PTPRM: variants seen among roughly 807,000 people sequenced by gnomAD.
PTPRM encodes receptor-type tyrosine-protein phosphatase mu.
In PTPRM, 47 loss-of-function variants were observed where a neutral mutation model predicts 186.7. That is an observed-to-expected ratio of 0.25 (90% CI 0.20 to 0.32). PTPRM has a LOEUF of 0.32. PTPRM is among the 10% of genes least tolerant of loss of function. The pLI is 1.00. For synonymous variants in PTPRM, 668 were observed against 674.9 expected, an observed-to-expected ratio of 0.99 and a Z score of 0.16; for missense variants, 1,494 against 1,865.0, an observed-to-expected ratio of 0.80 and a Z score of 3.66.
intron 7 of PTPRM, among the ~76,000 whole-genome samples, chr18:7,977,770 C>CACA (rs2055054381): frequency 2.2e-5 from 1 of 45,008 alleles, no homozygotes; most frequent in African/African-American, 1.2e-4. Flanking sequence ...TTGCTTTGTG[C>CACA]ATGCTTTGCT....
intron 7 of PTPRM, among the ~76,000 whole-genome samples, chr18:8,025,240 T>C (rs923563626): frequency 2.0e-5 from 3 of 152,200 alleles, no homozygotes; most frequent in Non-Finnish European, 4.4e-5. Flanking sequence ...TTCTCTCCAC[T>C]TAGACCAAAG....
chr18:8,352,835 TA>T (rs1437407648), intron 23 of PTPRM, among the ~76,000 whole-genome samples: 1 of 151,990 alleles, frequency 6.6e-6, no homozygotes, highest in Non-Finnish European at 1.5e-5. Flanking sequence ...TACGCCTGGC[TA>T]ACTTTTTGTA....
intron 2 of PTPRM, among the ~76,000 whole-genome samples, chr18:7,805,862 C>G (rs1346914230): frequency 6.6e-6 from 1 of 152,088 alleles, no homozygotes; most frequent in Non-Finnish European, 1.5e-5. Context: ...AATCCTAAAT[C>G]AAAGACTAGA....
intron 19 of PTPRM, among the ~76,000 whole-genome samples, chr18:8,265,546 A>G (rs988704641): frequency 3.9e-5 from 6 of 151,954 alleles, no homozygotes; most frequent in African/African-American, 9.7e-5. Flanking sequence ...AAGTTGATGA[A>G]TCTTTTTTCA....
chr18:8,179,837 C>T (rs2093549097), intron 14 of PTPRM, among the ~76,000 whole-genome samples: 1 of 152,322 alleles, frequency 6.6e-6, no homozygotes, highest in African/African-American at 2.4e-5. Context: ...AAGATCCTTT[C>T]TCATATAAAA....
At chr18:7,721,688 G>A (rs189629394) in intron 1 of PTPRM, among the ~76,000 whole-genome samples, 95 of 152,160 alleles carry the variant, frequency 6.2e-4, no homozygotes, top group African/African-American at 2.2e-3. Context: ...ATTCAGTACC[G>A]TTTGTTGAAA....
Position 8,289,424 on chromosome 18 carries a change from GTA to G in PTPRM, c.2755-6936_2755-6935del, listed in dbSNP as rs1309486523. ...TATATATATATATACACATATATAC[GTA>G]TATATATGTATATATACGTATATAT... is the stretch of plus-strand genomic sequence containing the variant. On this transcript the variant is annotated intron_variant, in intron 19 of 32. Transcript: ENST00000580170. 4.0e-5 allele frequency among the ~76,000 whole-genome samples: 4 copies of G among 100,668 alleles called. 1 individual carries two copies. The highest frequency in any genetic ancestry group is 3.3e-4 in the Admixed American group (3 of 9,078). The allele number at this position is 100,668 out of a possible 152,430, so 66.0% of individuals were successfully genotyped here.
At chr18:8,352,825 T>C (rs911780967) in intron 23 of PTPRM, among the ~76,000 whole-genome samples, 1 of 151,814 alleles carries the variant, frequency 6.6e-6, no homozygotes, top group Non-Finnish European at 1.5e-5. Flanking sequence ...CACCCACCAC[T>C]ACGCCTGGCT....
chr18:8,130,141 T>C (rs2092467077), intron 13 of PTPRM, among the ~76,000 whole-genome samples: 1 of 152,214 alleles, frequency 6.6e-6, no homozygotes. Flanking sequence ...GTTTTTAATG[T>C]GAAAGGATCT....
chr18:7,637,485 A>G (rs559037942), intron 1 of PTPRM, among the ~76,000 whole-genome samples: 1 of 152,350 alleles, frequency 6.6e-6, no homozygotes, highest in East Asian at 1.9e-4. Flanking sequence ...ACCCACTAGC[A>G]TTGGGGCCAC....
At chr18:7,714,049 C>T (rs569138053) in intron 1 of PTPRM, among the ~76,000 whole-genome samples, 43 of 152,262 alleles carry the variant, frequency 2.8e-4, no homozygotes, top group African/African-American at 9.6e-4. Flanking sequence ...AACTGTCCCC[C>T]CAAATCAACA....
At chr18:8,080,416 G>A (rs895998935) in intron 9 of PTPRM, among the ~76,000 whole-genome samples, 2 of 152,112 alleles carry the variant, frequency 1.3e-5, no homozygotes, top group Non-Finnish European at 2.9e-5. Context: ...AGTAGAAAAG[G>A]TACTGTTCCT....
chr18:8,337,543 G>A (rs570554705), intron 22 of PTPRM, among the ~76,000 whole-genome samples: 1 of 152,318 alleles, frequency 6.6e-6, no homozygotes, highest in South Asian at 2.1e-4. Flanking sequence ...ACTGGGGCCA[G>A]GACAGTGGTA....
intron 2 of PTPRM, among the ~76,000 whole-genome samples, chr18:7,866,214 C>T (rs750466356): frequency 6.6e-6 from 1 of 152,004 alleles, no homozygotes; most frequent in Non-Finnish European, 1.5e-5. Flanking sequence ...GTAGTTATTT[C>T]TTGACTTCTG....
At chr18:8,289,567 T>TATAC (rs1568675198) in intron 19 of PTPRM, among the ~76,000 whole-genome samples, 1 of 123,690 alleles carries the variant, frequency 8.1e-6, no homozygotes. Context: ...TATACACATA[T>TATAC]ATATATATAC....
intron 7 of PTPRM, among the ~76,000 whole-genome samples, chr18:7,962,059 T>A (rs950942587): frequency 8.5e-5 from 13 of 152,224 alleles, no homozygotes; most frequent in Admixed American, 3.9e-4. Flanking sequence ...TGGAGTCATT[T>A]CACCTTTCAA....
intron 15 of PTPRM, among the ~76,000 whole-genome samples, 179 bp from the exon 16 acceptor site, chr18:8,247,664 TTC>T (rs1477708195): frequency 6.6e-6 from 1 of 152,196 alleles, no homozygotes; most frequent in African/African-American, 2.4e-5. Flanking sequence ...GTTGCTTGTC[TTC>T]TAAAGGATAA....
intron 4 of PTPRM, among the ~76,000 whole-genome samples, chr18:7,919,241 T>C (rs933156845): frequency 7.2e-5 from 11 of 152,216 alleles, no homozygotes; most frequent in African/African-American, 2.7e-4. Context: ...TGCCTCCAGC[T>C]TTTTTCTTTT....
chr18:7,736,850 T>C (rs1192648105), intron 1 of PTPRM, among the ~76,000 whole-genome samples: 1 of 152,194 alleles, frequency 6.6e-6, no homozygotes, highest in Non-Finnish European at 1.5e-5. Flanking sequence ...CTGCCTGTCT[T>C]TGGTCTTATT....
Sources: gnomAD v4.1 joint callset for allele counts (sites outside exome capture counted in the v4.1 genomes callset) on GRCh38, gnomAD v4.1.1 for gene constraint, MANE v1.5 for transcripts, NCBI Gene and HGNC (gene_info 2026-07-23, HGNC 2026-07-21) for gene names.